CLCC1: variants seen among roughly 807,000 people sequenced by gnomAD.
CLCC1 encodes the protein chloride channel CLIC like 1.
CLCC1 carries 39 observed loss-of-function variants against 63.3 expected under a neutral mutation model. The observed-to-expected ratio is 0.62, with a 90% confidence interval of 0.48 to 0.81. The LOEUF is 0.81. Among genes scored for constraint, CLCC1 ranks in the 30% least tolerant of loss-of-function variants. CLCC1 has a pLI of 0.00. For missense variants in CLCC1, 549 were observed against 669.4 expected (o/e 0.82, Z 1.98); for synonymous variants, 217 against 239.8 (o/e 0.90, Z 0.88).
At position 108,931,211 on chromosome 1, in the gene CLCC1, TAAAC is replaced by T. The variant is rs367778139; in HGVS notation, c.*1332_*1335del. The T allele has an allele frequency of 8.3e-4, 1,055 of 1,265,142 alleles. 9 individuals carry two copies. In the African/African-American group the frequency reaches 0.014, roughly 16 times the overall value. The allele number at this position is 1,265,142 out of a possible 1,614,324, so 78.4% of individuals were successfully genotyped here. A position where few individuals can be genotyped will look rare whatever the true frequency, so the allele number is the denominator to read the frequency against. On this transcript the variant is annotated 3_prime_UTR_variant, in exon 13 of 13. Coordinates refer to ENST00000369969, the MANE Select transcript of CLCC1 (RefSeq NM_001377458.1). ...GGTTAGGTCAAGAACCTAGGACACA[TAAAC>T]AAACAGAAAACAGATGAAAACTCAC... is the stretch of plus-strand genomic sequence containing the variant.
At chr1:108,951,089 C>G (rs990108490) in intron 2 of CLCC1, among the ~76,000 whole-genome samples, 1 of 152,026 alleles carries the variant, frequency 6.6e-6, no homozygotes, top group African/African-American at 2.4e-5. Context: ...TTCGTAATAG[C>G]CAAAAGGTGG....
chr1:108,937,577 C>A (rs1653202469), intron 10 of CLCC1, among the ~76,000 whole-genome samples, 159 bp from the exon 11 acceptor site: 1 of 152,046 alleles, frequency 6.6e-6, no homozygotes, highest in South Asian at 2.1e-4. Flanking sequence ...CATTAGAGAC[C>A]TCTTTAGATT....
At chr1:108,936,359 T>G (rs1652992137) in intron 11 of CLCC1, among the ~76,000 whole-genome samples, 1 of 152,220 alleles carries the variant, frequency 6.6e-6, no homozygotes, top group Admixed American at 6.5e-5. Flanking sequence ...GGCCTCCCAG[T>G]GCTGGGATCA....
At chr1:108,946,309 C>CAAAAA (rs10655080) in intron 5 of CLCC1, among the ~76,000 whole-genome samples, 12 of 133,902 alleles carry the variant, frequency 9.0e-5, no homozygotes, top group Admixed American at 8.3e-4. Context: ...GACTCTGTCT[C>CAAAAA]AAAAAAAAAA....
At position 108,939,682 on chromosome 1, in the gene CLCC1, G is replaced by A. The variant is rs36032236; in HGVS notation, c.995C>T (p.Ala332Val). 0.02 allele frequency: 32,934 copies of A among 1,614,018 alleles called. 439 individuals are homozygous for A. Among genetic ancestry groups the A allele is most frequent in the Middle Eastern group, 0.071 (433 of 6,062 alleles). The change falls in exon 10 of 13, where the codon GCG (alanine) becomes GTG (valine). Residue 332 changes from alanine (A) to valine (V), a missense_variant. Coordinates refer to ENST00000369969, the MANE Select transcript of CLCC1 (RefSeq NM_001377458.1). ...FIKALMKEIPALLHLPVLIIM... is the reference protein window; with the variant it reads ...FIKALMKEIPVLLHLPVLIIM... The stretch of plus-strand genomic sequence containing the variant: ...TATCAGCACTGGAAGATGAAGCAGC[G>A]CTGGAATTTCCTTCATGAGTGCTTT...
chr1:108,963,354 G>T lies in CLCC1; in HGVS notation c.-173+7C>A, dbSNP rs1374164140. 13 of 702,186 alleles carry T rather than the reference G, an allele frequency of 1.9e-5. No individual in the cohort carries two copies. The highest frequency in any genetic ancestry group is 3.1e-5 in the Non-Finnish European group (12 of 384,820). 43.5% of individuals were successfully genotyped at this position (702,186 alleles called of 1,614,324 possible). ...GCCGCACAACACACCCAACTGCACG[G>T]ACTCACGTCCGGGATCCCCTGCCTG... On this transcript the variant is annotated splice_region_variant and intron_variant, in intron 1 of 12. Transcript: ENST00000369969.
At chr1:108,960,594 A>G (rs1656492551) in intron 2 of CLCC1, among the ~76,000 whole-genome samples, 1 of 152,238 alleles carries the variant, frequency 6.6e-6, no homozygotes. Context: ...AGGGTTCTTC[A>G]TAGGCAATGA....
chr1:108,939,869 A>G, intron 9 of CLCC1, 87 bp from the exon 10 acceptor site: 1 of 1,404,386 alleles, frequency 7.1e-7, no homozygotes, highest in Non-Finnish European at 9.7e-7. Flanking sequence ...TGATGCTGAA[A>G]GTATGTTACA....
At chr1:108,938,037 A>G (rs1653283508) in intron 10 of CLCC1, among the ~76,000 whole-genome samples, 1 of 152,144 alleles carries the variant, frequency 6.6e-6, no homozygotes, top group South Asian at 2.1e-4. Flanking sequence ...TGAATATACA[A>G]CGGAGCATTC....
rs748349091 is a variant in CLCC1 at position 108,929,989 on chromosome 1, C to T, written c.*2558G>A. On this transcript the variant is annotated 3_prime_UTR_variant, in exon 13 of 13. Transcript: ENST00000369969. ...CTTTCAAACACGGTAAGGAAACAAT[C>T]TATTACTTTTTTCCTTAAAAGGAGA... is the stretch of plus-strand genomic sequence containing the variant. The T allele has an allele frequency of 6.5e-7, 1 of 1,536,832 alleles. No homozygotes were observed. The highest frequency in any genetic ancestry group is 1.1e-5 in the South Asian group (1 of 87,996).
In CLCC1 at chr1:108,931,567, C is replaced by T; in HGVS notation, c.*980G>A. Reference sequence around the variant, plus strand: ...TTTGGATGGGCAAATAGAACTATTTCTCTAATGGCCAATGTTTTTTAAGAG... The same window carrying T: ...TTTGGATGGGCAAATAGAACTATTTTTCTAATGGCCAATGTTTTTTAAGAG... On this transcript the variant is annotated 3_prime_UTR_variant, in exon 13 of 13. Coordinates refer to ENST00000369969, the MANE Select transcript of CLCC1 (RefSeq NM_001377458.1). 2.8e-6 allele frequency: 4 copies of T among 1,442,028 alleles called. No homozygotes were observed. The highest frequency in any genetic ancestry group is 1.4e-5 in the South Asian group (1 of 69,540). The allele number at this position is 1,442,028 out of a possible 1,614,324, so 89.3% of individuals were successfully genotyped here.
At chr1:108,936,074 C>CATCTT (rs1450212050) in intron 11 of CLCC1, among the ~76,000 whole-genome samples, 1 of 146,992 alleles carries the variant, frequency 6.8e-6, no homozygotes, top group Admixed American at 6.8e-5. Flanking sequence ...CTGGAAGGAC[C>CATCTT]ATCTTAAGTT....
rs184874100 is a variant in CLCC1 at position 108,940,158 on chromosome 1, G to T, written c.797-16C>A. The T allele has an allele frequency of 2.0e-5, 30 of 1,484,776 alleles. No homozygotes were observed. In the African/African-American group the frequency reaches 2.2e-4, roughly 11 times the overall value. The allele number at this position is 1,484,776 out of a possible 1,614,324, so 92.0% of individuals were successfully genotyped here. Reference sequence around the variant, plus strand: ...CTAAACCATTCTGTTTAGAGAAACAGACAAAACACTGATCATTTCTTTTAA... The same window carrying T: ...CTAAACCATTCTGTTTAGAGAAACATACAAAACACTGATCATTTCTTTTAA... On this transcript the variant is annotated splice_polypyrimidine_tract_variant and intron_variant, in intron 8 of 12. Coordinates refer to ENST00000369969, the MANE Select transcript of CLCC1 (RefSeq NM_001377458.1).
rs1484841136 is a variant in CLCC1 at position 108,931,323 on chromosome 1, C to CAGTT, written c.*1220_*1223dup. On this transcript the variant is annotated 3_prime_UTR_variant, in exon 13 of 13. Coordinates refer to ENST00000369969, the MANE Select transcript of CLCC1 (RefSeq NM_001377458.1). ...TCTTCCTTATCCCAGATATTGAAGG[C>CAGTT]AGTTTACAAGGGGATGATAACAAAG... 1 of 1,546,914 alleles carries CAGTT rather than the reference C, an allele frequency of 6.5e-7. No homozygotes were observed. The highest frequency in any genetic ancestry group is 1.4e-5 in the African/African-American group (1 of 72,968).
chr1:108,936,952 G>T (rs1205315492), intron 11 of CLCC1, 125 bp downstream of exon 11: 1 of 533,466 alleles, frequency 1.9e-6, no homozygotes, highest in Non-Finnish European at 2.9e-6. Context: ...GAGAGAGTGA[G>T]TGGCTGTATC....
chr1:108,962,052 C>T (rs1160795715), intron 2 of CLCC1, among the ~76,000 whole-genome samples: 1 of 152,148 alleles, frequency 6.6e-6, no homozygotes, highest in Non-Finnish European at 1.5e-5. Context: ...TAAACTGCCT[C>T]TCCAGGGCAA....
rs1197328181 is a variant in CLCC1 at position 108,963,454 on chromosome 1, G to T, written c.-266C>A. On this transcript the variant is annotated 5_prime_UTR_variant, in exon 1 of 13. Transcript: ENST00000369969. ...GCTTGCCGCCGCCCAGGGTTTCAGCGTGCTTCCTGGGCCTCGTCATCGAAT... is the reference window on the plus strand; with the variant it reads ...GCTTGCCGCCGCCCAGGGTTTCAGCTTGCTTCCTGGGCCTCGTCATCGAAT... The T allele has an allele frequency of 1.4e-6, 1 of 702,332 alleles. No homozygotes were observed. Among genetic ancestry groups the T allele is most frequent in the Non-Finnish European group, 2.6e-6 (1 of 384,780 alleles). The allele number at this position is 702,332 out of a possible 1,614,324, so 43.5% of individuals were successfully genotyped here.
At position 108,930,263 on chromosome 1, in the gene CLCC1, G is replaced by T; in HGVS notation, c.*2284C>A. 8.7e-6 allele frequency: 2 copies of T among 230,182 alleles called. No individual in the cohort carries two copies. Among genetic ancestry groups the T allele is most frequent in the Non-Finnish European group, 1.7e-5 (2 of 118,180 alleles). The allele number at this position is 230,182 out of a possible 1,614,324, so 14.3% of individuals were successfully genotyped here. ...ATAGATTAGAATTTAATACTCTTATGGAAATAATTTTTTAACATCTTAATT... is the reference window on the plus strand; with the variant it reads ...ATAGATTAGAATTTAATACTCTTATTGAAATAATTTTTTAACATCTTAATT... On this transcript the variant is annotated 3_prime_UTR_variant, in exon 13 of 13. Transcript: ENST00000369969.
intron 2 of CLCC1, among the ~76,000 whole-genome samples, chr1:108,958,487 AT>A (rs1239942335): frequency 1.3e-5 from 2 of 151,544 alleles, no homozygotes; most frequent in Non-Finnish European, 2.9e-5. Context: ...ACTTTACTTA[AT>A]AATGGCCCTA....
Sources: gnomAD v4.1 joint callset for allele counts (sites outside exome capture counted in the v4.1 genomes callset) on GRCh38, gnomAD v4.1.1 for gene constraint, MANE v1.5 for transcripts, NCBI Gene and HGNC (gene_info 2026-07-23, HGNC 2026-07-21) for gene names.